PLEKHA5: variants seen among roughly 807,000 people sequenced by gnomAD.
PLEKHA5 encodes the protein pleckstrin homology domain-containing family A member 5.
A neutral mutation model predicts 181.9 loss-of-function variants in PLEKHA5; 55 were observed. The ratio of observed to expected loss-of-function variants is 0.30; its 90% CI spans 0.24 to 0.38. The LOEUF is 0.38. PLEKHA5 is among the 10% of genes least tolerant of loss of function. The probability of loss-of-function intolerance (pLI) is 1.00; values close to 1 mark genes in which losing one functional copy is unlikely to be tolerated. For missense variants in PLEKHA5, 1,432 were observed against 1,549.5 expected (o/e 0.92, Z 1.27); for synonymous variants, 535 against 529.4 (o/e 1.01, Z -0.15).
At chr12:19,233,517 G>T (rs2060944203) in intron 3 of PLEKHA5, among the ~76,000 whole-genome samples, 1 of 152,134 alleles carries the variant, frequency 6.6e-6, no homozygotes, top group South Asian at 2.1e-4. Context: ...CCAATTTACG[G>T]TATTCAGAAC....
chr12:19,358,102 C>T, intron 26 of PLEKHA5, 126 bp from the exon 27 acceptor site: 1 of 663,354 alleles, frequency 1.5e-6, no homozygotes, highest in Non-Finnish European at 2.6e-6. Context: ...ATCTAAATGA[C>T]ATTCAAAACC....
At chr12:19,306,751 C>T (rs2083888437) in intron 15 of PLEKHA5, 1 of 1,076,506 alleles carries the variant, frequency 9.3e-7, no homozygotes, top group Non-Finnish European at 1.4e-6. Flanking sequence ...GGATAATTCA[C>T]CTTTGCCAAT....
chr12:19,284,269 G>C (rs530500279), intron 12 of PLEKHA5, among the ~76,000 whole-genome samples: 1 of 151,928 alleles, frequency 6.6e-6, no homozygotes, highest in Non-Finnish European at 1.5e-5. Flanking sequence ...TGGTTTCACC[G>C]TGATGCCCAG....
chr12:19,336,536 G>C lies in PLEKHA5; in HGVS notation c.2470G>C (p.Glu824Gln), dbSNP rs202088864. 3.3e-4 allele frequency: 537 copies of C among 1,604,198 alleles called. No homozygotes were observed. Among genetic ancestry groups the C allele is most frequent in the Non-Finnish European group, 4.3e-4 (503 of 1,172,248 alleles). The stretch of plus-strand genomic sequence containing the variant: ...TTAGGAATTGGAACGAGCATGGAGA[G>C]AATATGATAAGTTAGAATACGATGT... ...ATAELERAWR[E>Q]YDKLEYDVTV... The change falls in exon 21 of 32, where the codon GAA (glutamate) becomes CAA (glutamine). Residue 824 changes from glutamate to glutamine, a missense_variant. Coordinates refer to ENST00000429027, the MANE Select transcript of PLEKHA5 (RefSeq NM_001256470.2).
At chr12:19,171,691 A>T (rs11044443) in intron 3 of PLEKHA5, among the ~76,000 whole-genome samples, 29 of 152,344 alleles carry the variant, frequency 1.9e-4, no homozygotes, top group African/African-American at 7.0e-4. Flanking sequence ...TGCAATTTTT[A>T]AAAATTCTTG....
At chr12:19,171,145 A>G (rs1305323717) in intron 3 of PLEKHA5, among the ~76,000 whole-genome samples, 1 of 152,190 alleles carries the variant, frequency 6.6e-6, no homozygotes, top group Non-Finnish European at 1.5e-5. Context: ...AAGGGGCTCT[A>G]TAGAGAGACT....
intron 15 of PLEKHA5, among the ~76,000 whole-genome samples, chr12:19,312,144 TA>T (rs2086772188): frequency 6.6e-6 from 1 of 152,236 alleles, no homozygotes; most frequent in African/African-American, 2.4e-5. Flanking sequence ...ACAGTGGATT[TA>T]AGATATTCAG....
intron 12 of PLEKHA5, among the ~76,000 whole-genome samples, chr12:19,285,243 A>T (rs2076975320): frequency 6.6e-6 from 1 of 152,092 alleles, no homozygotes; most frequent in Admixed American, 6.5e-5. Flanking sequence ...GATCTAATAC[A>T]ACTTAATGTG....
At chr12:19,339,021 G>GT (rs1358734129) in intron 21 of PLEKHA5, among the ~76,000 whole-genome samples, 1 of 151,500 alleles carries the variant, frequency 6.6e-6, no homozygotes, top group African/African-American at 2.4e-5. Context: ...ATTATTTAAT[G>GT]TTTTTTGTTA....
rs1317899587 is a variant in PLEKHA5, at chr12:19,349,682, G to A, written c.3019+1163G>A. Among the ~76,000 whole-genome samples the A allele has an allele frequency of 3.3e-5, 5 of 150,610 alleles. No individual in the cohort carries two copies. In the East Asian group the frequency reaches 5.9e-4, roughly 18 times the overall value. On this transcript the variant is annotated intron_variant, in intron 25 of 31. Coordinates refer to ENST00000429027, the MANE Select transcript of PLEKHA5 (RefSeq NM_001256470.2). ...AGCACTTCAGGAGGCCGAGGTGGGC[G>A]GATCACCTGAGGTCAGGAGATCAAC... is the stretch of plus-strand genomic sequence containing the variant.
chr12:19,236,160 C>A (rs1044356180), intron 3 of PLEKHA5, among the ~76,000 whole-genome samples: 1 of 152,152 alleles, frequency 6.6e-6, no homozygotes, highest in Non-Finnish European at 1.5e-5. Flanking sequence ...TGAATAAATA[C>A]CAACAAACTC....
At chr12:19,367,658 C>G (rs1345517834) in intron 30 of PLEKHA5, among the ~76,000 whole-genome samples, 2 of 151,960 alleles carry the variant, frequency 1.3e-5, no homozygotes, top group Admixed American at 6.6e-5. Flanking sequence ...CCACTCACTG[C>G]AAGCTCCGCC....
At chr12:19,260,172 T>G (rs750892573) in intron 6 of PLEKHA5, among the ~76,000 whole-genome samples, 2 of 152,236 alleles carry the variant, frequency 1.3e-5, no homozygotes, top group Non-Finnish European at 2.9e-5. Context: ...AAAAAATGTT[T>G]ATGAATTGCA....
intron 10 of PLEKHA5, among the ~76,000 whole-genome samples, chr12:19,270,845 C>A (rs182836362): frequency 3.5e-4 from 53 of 152,038 alleles, no homozygotes; most frequent in Middle Eastern, 3.4e-3. Context: ...GGGATTGTTA[C>A]AGTATACATC....
chr12:19,305,548 G>C (rs2083033475), intron 15 of PLEKHA5, among the ~76,000 whole-genome samples: 1 of 106,550 alleles, frequency 9.4e-6, no homozygotes, highest in South Asian at 3.7e-4. Context: ...GTGACAGCGA[G>C]ACTGTGTCTC....
intron 6 of PLEKHA5, 42 bp from the exon 7 acceptor site, chr12:19,260,907 G>T: frequency 8.5e-7 from 1 of 1,172,942 alleles, no homozygotes; most frequent in South Asian, 1.6e-5. Flanking sequence ...GTGAGTTTTT[G>T]TTGTTTGAGA....
chr12:19,247,454 G>C (rs1211225253), intron 3 of PLEKHA5, among the ~76,000 whole-genome samples: 1 of 152,112 alleles, frequency 6.6e-6, no homozygotes, highest in Non-Finnish European at 1.5e-5. Context: ...AAGGAATTAG[G>C]TAGACTAATG....
intron 14 of PLEKHA5, among the ~76,000 whole-genome samples, 191 bp downstream of exon 14, chr12:19,290,987 T>A (rs2078293561): frequency 6.6e-6 from 1 of 151,944 alleles, no homozygotes; most frequent in South Asian, 2.1e-4. Context: ...AAAATACAGG[T>A]AGGGTGCATT....
At position 19,291,641 on chromosome 12, in the gene PLEKHA5, T is replaced by C. The variant is rs1263610164; in HGVS notation, c.1984-3T>C. On this transcript the variant is annotated splice_region_variant and splice_polypyrimidine_tract_variant and intron_variant, in intron 14 of 31. Coordinates refer to ENST00000429027, the MANE Select transcript of PLEKHA5 (RefSeq NM_001256470.2). ...CCCTTTTTTCTTAATTGGTGCCTAC[T>C]AGAATGAAATTCTTTCACATCATCT... The C allele has an allele frequency of 6.7e-6, 10 of 1,499,962 alleles. No individual in the cohort carries two copies. Among genetic ancestry groups the C allele is most frequent in the African/African-American group, 1.4e-5 (1 of 72,290 alleles). The allele number at this position is 1,499,962 out of a possible 1,614,324, so 92.9% of individuals were successfully genotyped here.
Sources: gnomAD v4.1 joint callset for allele counts (sites outside exome capture counted in the v4.1 genomes callset) on GRCh38, gnomAD v4.1.1 for gene constraint, MANE v1.5 for transcripts, NCBI Gene and HGNC (gene_info 2026-07-23, HGNC 2026-07-21) for gene names.